The following NGLY1 variants were observed in gnomAD, a reference collection of about 807,000 sequenced individuals.
NGLY1 encodes peptide-N(4)-(N-acetyl-beta-glucosaminyl)asparagine amidase.
NGLY1 carries 68 observed loss-of-function variants against 84.6 expected under a neutral mutation model. The ratio of observed to expected loss-of-function variants is 0.80; its 90% CI spans 0.66 to 0.98. The LOEUF (loss-of-function observed/expected upper bound fraction) is 0.98, where lower values mean the gene tolerates loss of function less well. NGLY1 is among the 50% of genes least tolerant of loss of function. The pLI is 0.00. For missense variants in NGLY1, 779 were observed against 770.2 expected, an observed-to-expected ratio of 1.01 and a Z score of -0.14; for synonymous variants, 280 against 275.2, an observed-to-expected ratio of 1.02 and a Z score of -0.17.
chr3:25,759,992 C>A (rs1236458372), intron 3 of NGLY1, among the ~76,000 whole-genome samples: 2 of 151,308 alleles, frequency 1.3e-5, no homozygotes, highest in Non-Finnish European at 2.9e-5. Flanking sequence ...TTTTATGCAA[C>A]CCTTTATTTT....
In NGLY1 at chr3:25,783,152, G is replaced by C; in HGVS notation, c.131+108C>G. 9.6e-7 allele frequency: 1 copy of C among 1,041,032 alleles called. No individual in the cohort carries two copies. The highest frequency in any genetic ancestry group is 1.5e-5 in the South Asian group (1 of 68,106). 64.5% of individuals were successfully genotyped at this position (1,041,032 alleles called of 1,614,324 possible). A position where few individuals can be genotyped will look rare whatever the true frequency, so the allele number is the denominator to read the frequency against. On this transcript the variant is annotated intron_variant, in intron 1 of 11. Coordinates refer to ENST00000280700, the MANE Select transcript of NGLY1 (RefSeq NM_018297.4). The surrounding 1 kb of genome is among the most constrained non-coding windows in gnomAD (Gnocchi z 4.5). ...CCAGCTCCAGGTCCCGGTCTGTCCG[G>C]GCGTCGCTGCCCTCTGAAGCTCAGG...
At position 25,781,410 on chromosome 3, in the gene NGLY1, A is replaced by T. The variant is rs149128672; in HGVS notation, c.131+1850T>A. ...GTAAACTGACCGTGGTTTTGTGTAT[A>T]GACTGATACCAAAGGCCTGACCCTA... On this transcript the variant is annotated intron_variant, in intron 1 of 11. Coordinates refer to ENST00000280700, the MANE Select transcript of NGLY1 (RefSeq NM_018297.4). Among the ~76,000 whole-genome samples, 269 of 152,316 alleles carry T rather than the reference A, an allele frequency of 1.8e-3. 1 individual carries two copies. The highest frequency in any genetic ancestry group is 6.2e-3 in the African/African-American group (257 of 41,564).
chr3:25,789,209 G>A (rs1708667703), intron 1 of NGLY1, among the ~76,000 whole-genome samples: 1 of 152,084 alleles, frequency 6.6e-6, no homozygotes, highest in Admixed American at 6.5e-5. Context: ...AACAGTTAAT[G>A]AATTTTTCAC....
intron 8 of NGLY1, among the ~76,000 whole-genome samples, chr3:25,733,499 GTGTGTGTGTGTGTGTGTA>G (rs905280274): frequency 1.8e-4 from 27 of 149,696 alleles, no homozygotes; most frequent in African/African-American, 6.5e-4. Context: ...GTGTGTGTGT[GTGTGTGTGTGTGTGTGTA>G]TGTACATACA....
intron 10 of NGLY1, among the ~76,000 whole-genome samples, chr3:25,726,723 T>C (rs1321340860): frequency 6.6e-6 from 1 of 152,184 alleles, no homozygotes; most frequent in South Asian, 2.1e-4. Flanking sequence ...TTTTTGTAAA[T>C]GTTTCTTTAG....
At chr3:25,771,816 C>T (rs1707910825) in intron 2 of NGLY1, among the ~76,000 whole-genome samples, 2 of 152,172 alleles carry the variant, frequency 1.3e-5, no homozygotes, top group African/African-American at 4.8e-5. Context: ...GAGTTGAGTT[C>T]TTGATTCTCA....
At chr3:25,789,942 T>C in exon 1 of NGLY1, 2 of 1,527,948 alleles carry the variant, frequency 1.3e-6, no homozygotes, top group Non-Finnish European at 1.8e-6. Flanking sequence ...CGCAAACAGC[T>C]ACCCAGCCGC....
intron 4 of NGLY1, among the ~76,000 whole-genome samples, chr3:25,746,462 T>C (rs930266401): frequency 1.3e-5 from 2 of 152,222 alleles, no homozygotes; most frequent in Non-Finnish European, 2.9e-5. Flanking sequence ...GTTTGTCTTC[T>C]CCCTATTTTC....
chr3:25,781,563 T>C (rs949603849), intron 1 of NGLY1, among the ~76,000 whole-genome samples: 4 of 152,216 alleles, frequency 2.6e-5, no homozygotes, highest in African/African-American at 9.7e-5. Context: ...ATTATTCCAG[T>C]GTGTCCACTA....
At chr3:25,744,980 C>G (rs532064668) in intron 4 of NGLY1, among the ~76,000 whole-genome samples, 7 of 152,326 alleles carry the variant, frequency 4.6e-5, no homozygotes, top group African/African-American at 1.7e-4. Flanking sequence ...AGAAAATAAT[C>G]TCTAAGCCAC....
intron 2 of NGLY1, among the ~76,000 whole-genome samples, chr3:25,773,357 T>G (rs188878789): frequency 1.1e-4 from 17 of 152,276 alleles, no homozygotes; most frequent in Middle Eastern, 3.4e-3. Context: ...TGGATTGGGT[T>G]AATACGAAAG....
chr3:25,751,245 T>C lies in NGLY1; in HGVS notation c.511A>G (p.Ile171Val). 6.3e-7 allele frequency: 1 copy of C among 1,577,750 alleles called. No homozygotes were observed. The highest frequency in any genetic ancestry group is 8.6e-7 in the Non-Finnish European group (1 of 1,163,518). ...ATGTTGGACTGAAGAACTTCTAGAA[T>C]GGCTGAGTCAGCAGCAACCTAATAG... is the stretch of plus-strand genomic sequence containing the variant. ...SASTVAADSA[I>V]LEVLQSNIQH... The change falls in exon 4 of 12, where the codon ATT becomes GTT. Residue 171 changes from isoleucine to valine, a missense_variant. Transcript: ENST00000280700.
intron 8 of NGLY1, among the ~76,000 whole-genome samples, chr3:25,733,275 A>C (rs1355491296): frequency 6.6e-6 from 1 of 152,194 alleles, no homozygotes; most frequent in Non-Finnish European, 1.5e-5. Context: ...ACTGCCTGCT[A>C]CAGCAAAATT....
In NGLY1 at chr3:25,751,219, A is replaced by C; in HGVS notation, c.537T>G (p.Ile179Met). Reference protein sequence around the residue: ...SAILEVLQSNIQHVLVYENPA... With the variant: ...SAILEVLQSNMQHVLVYENPA... ...GATTTTCATAGACCAGCACATGCTGAATGTTGGACTGAAGAACTTCTAGAA... is the reference window on the plus strand; with the variant it reads ...GATTTTCATAGACCAGCACATGCTGCATGTTGGACTGAAGAACTTCTAGAA... Residue 179 changes from isoleucine (I) to methionine (M), a missense_variant, in exon 4 of 12, where the codon ATT becomes ATG. Ile to Met is a conservative substitution (Grantham distance 10). Coordinates refer to ENST00000280700, the MANE Select transcript of NGLY1 (RefSeq NM_018297.4). 6.2e-7 allele frequency: 1 copy of C among 1,608,580 alleles called. No homozygotes were observed. The highest frequency in any genetic ancestry group is 8.5e-7 in the Non-Finnish European group (1 of 1,177,502).
At chr3:25,778,774 G>C (rs992158773) in intron 1 of NGLY1, 86 bp from the exon 2 acceptor site, 4 of 697,054 alleles carry the variant, frequency 5.7e-6, no homozygotes, top group African/African-American at 1.8e-5. Context: ...ACATGACCTA[G>C]GTATACCTTT....
chr3:25,772,693 GT>G (rs56343965), intron 2 of NGLY1, among the ~76,000 whole-genome samples: 103,268 of 151,008 alleles, frequency 0.68, 39,630 homozygotes, highest in East Asian at 0.94. Context: ...TGAATACTTT[GT>G]TTTTTTTTCA....
At chr3:25,764,654 T>C (rs1037149726) in intron 2 of NGLY1, among the ~76,000 whole-genome samples, 54 of 151,302 alleles carry the variant, frequency 3.6e-4, no homozygotes, top group African/African-American at 1.1e-3. Context: ...TCCTATCCTC[T>C]CTGCAATAGT....
intron 4 of NGLY1, among the ~76,000 whole-genome samples, chr3:25,741,789 G>C (rs1377923432): frequency 6.6e-6 from 1 of 151,796 alleles, no homozygotes; most frequent in African/African-American, 2.4e-5. Flanking sequence ...TCAGGAGTTG[G>C]AGAACAGCCT....
chr3:25,758,034 A>G (rs1488211674), intron 3 of NGLY1, among the ~76,000 whole-genome samples: 1 of 152,240 alleles, frequency 6.6e-6, no homozygotes, highest in East Asian at 1.9e-4. Context: ...AATCTAGCTT[A>G]AAAAGATTAC....
Sources: gnomAD v4.1 joint callset for allele counts (sites outside exome capture counted in the v4.1 genomes callset) on GRCh38, gnomAD v4.1.1 for gene constraint, Gnocchi (gnomAD v3.1) non-coding constraint, MANE v1.5 for transcripts, NCBI Gene and HGNC (gene_info 2026-07-23, HGNC 2026-07-21) for gene names.